Variants in LINGO2 observed in about 807,000 individuals in gnomAD.
LINGO2 encodes the protein leucine-rich repeat and immunoglobulin-like domain-containing nogo receptor-interacting protein 2.
In LINGO2, 14 loss-of-function variants were observed where a neutral mutation model predicts 30.6. That is an observed-to-expected ratio of 0.46 (90% confidence interval 0.30 to 0.72). The LOEUF (loss-of-function observed/expected upper bound fraction) is 0.72. Among genes scored for constraint, LINGO2 ranks in the 30% least tolerant of loss-of-function variants. The probability of loss-of-function intolerance (pLI) is 0.07; values close to 1 mark genes in which losing one functional copy is unlikely to be tolerated. For synonymous variants in LINGO2, 317 were observed against 288.5 expected (o/e 1.10, Z -1.00); for missense variants, 729 against 751.7 (o/e 0.97, Z 0.35).
At chr9:28,784,307 A>G in the LINGO2 span, among the ~76,000 whole-genome samples, 1 of 152,180 alleles carries the variant, frequency 6.6e-6, no homozygotes, top group African/African-American at 2.4e-5. Flanking sequence ...TTAGATGGGC[A>G]TTTTTAATTG....
At chr9:28,954,253 A>C in the LINGO2 span, among the ~76,000 whole-genome samples, 1 of 152,160 alleles carries the variant, frequency 6.6e-6, no homozygotes, top group Non-Finnish European at 1.5e-5. Context: ...TTTATGTTAA[A>C]ATGATGTTAA....
the LINGO2 span, among the ~76,000 whole-genome samples, chr9:29,189,964 A>G: frequency 6.7e-6 from 1 of 148,356 alleles, no homozygotes; most frequent in Admixed American, 6.7e-5. Flanking sequence ...TGGCAGCAGT[A>G]CAGTCCAGCT....
At chr9:27,946,038 C>T (rs1389780494), downstream of LINGO2, among the ~76,000 whole-genome samples, 1 of 152,058 alleles carries the variant, frequency 6.6e-6, no homozygotes, top group African/African-American at 2.4e-5. Context: ...TTTAGGAATA[C>T]GTCACAAGAG....
chr9:28,126,059 G>T (rs942634487), intron 4 of LINGO2, among the ~76,000 whole-genome samples: 4 of 152,126 alleles, frequency 2.6e-5, no homozygotes, highest in Non-Finnish European at 4.4e-5. Flanking sequence ...GCTCTGTCAT[G>T]TTAAAAAGAA....
intron 4 of LINGO2, among the ~76,000 whole-genome samples, chr9:28,061,288 T>A (rs1488104665): frequency 6.6e-6 from 1 of 150,912 alleles, no homozygotes; most frequent in Non-Finnish European, 1.5e-5. Flanking sequence ...CAACGTCTAT[T>A]GGGCACAATG....
At chr9:28,637,474 C>T (rs569696074) in intron 1 of LINGO2, among the ~76,000 whole-genome samples, 1 of 151,966 alleles carries the variant, frequency 6.6e-6, no homozygotes, top group Non-Finnish European at 1.5e-5. Flanking sequence ...TCTTCCATTT[C>T]TTTGTATCCT....
At chr9:28,529,038 T>G (rs1821131243) in intron 1 of LINGO2, among the ~76,000 whole-genome samples, 1 of 152,112 alleles carries the variant, frequency 6.6e-6, no homozygotes, top group Non-Finnish European at 1.5e-5. Flanking sequence ...AGAATAATTC[T>G]AAAGCAGAGG....
intron 4 of LINGO2, among the ~76,000 whole-genome samples, chr9:28,117,928 T>C (rs1162530656): frequency 2.0e-5 from 3 of 152,150 alleles, no homozygotes; most frequent in Non-Finnish European, 4.4e-5. Flanking sequence ...GCAGCAAGAA[T>C]AAAGGCATGA....
chr9:28,469,233 G>T (rs1455000710), intron 2 of LINGO2, among the ~76,000 whole-genome samples: 1 of 150,676 alleles, frequency 6.6e-6, no homozygotes, highest in African/African-American at 2.4e-5. Context: ...GAACCTGAAG[G>T]AAAGTCACCT....
intron 3 of LINGO2, among the ~76,000 whole-genome samples, chr9:28,309,660 G>C (rs1306836100): frequency 6.6e-6 from 1 of 151,574 alleles, no homozygotes; most frequent in East Asian, 1.9e-4. Flanking sequence ...TAAAAAAATT[G>C]ATAAATTTGA....
chr9:29,071,125 A>T, the LINGO2 span, among the ~76,000 whole-genome samples: 60 of 149,968 alleles, frequency 4.0e-4, no homozygotes, highest in African/African-American at 1.3e-3. Context: ...TATGTATGAT[A>T]TGCACATCTA....
At chr9:29,156,274 T>G in the LINGO2 span, among the ~76,000 whole-genome samples, 32 of 152,192 alleles carry the variant, frequency 2.1e-4, 1 homozygote, top group Admixed American at 1.8e-3. Flanking sequence ...AAAGCCCCAT[T>G]AGACTTTTCA....
chr9:29,189,175 C>T, the LINGO2 span, among the ~76,000 whole-genome samples: 2 of 143,778 alleles, frequency 1.4e-5, no homozygotes, highest in South Asian at 2.2e-4. Context: ...CTGGACGGGG[C>T]GGCTGGCCAG....
the LINGO2 span, among the ~76,000 whole-genome samples, chr9:29,029,675 T>C: frequency 1.3e-5 from 2 of 152,052 alleles, no homozygotes; most frequent in Admixed American, 1.3e-4. Flanking sequence ...AGAAAATGCA[T>C]CACTTTGAAG....
At chr9:28,125,818 A>G (rs1827220664) in intron 4 of LINGO2, among the ~76,000 whole-genome samples, 1 of 152,226 alleles carries the variant, frequency 6.6e-6, no homozygotes, top group African/African-American at 2.4e-5. Flanking sequence ...ATCACTAAGA[A>G]CAGAACAGCT....
At chr9:27,991,115 G>A (rs1192663925) in intron 5 of LINGO2, among the ~76,000 whole-genome samples, 1 of 151,922 alleles carries the variant, frequency 6.6e-6, no homozygotes, top group East Asian at 1.9e-4. Context: ...GAAAATCAAG[G>A]AAAAATTACA....
intron 1 of LINGO2, among the ~76,000 whole-genome samples, chr9:28,534,869 G>A (rs895508404): frequency 6.6e-6 from 1 of 151,990 alleles, no homozygotes; most frequent in African/African-American, 2.4e-5. Context: ...CTGGAGTTTT[G>A]TCAAAAATTA....
At chr9:28,937,545 C>A in the LINGO2 span, among the ~76,000 whole-genome samples, 1 of 152,132 alleles carries the variant, frequency 6.6e-6, no homozygotes, top group African/African-American at 2.4e-5. Flanking sequence ...GCTTTCCAGT[C>A]CCAATAGGGT....
At chr9:28,313,676 G>T (rs1824718710) in intron 3 of LINGO2, among the ~76,000 whole-genome samples, 1 of 152,132 alleles carries the variant, frequency 6.6e-6, no homozygotes, top group African/African-American at 2.4e-5. Context: ...CTATTTTGAA[G>T]AAAGTTGCTT....
Sources: gnomAD v4.1 joint callset for allele counts (sites outside exome capture counted in the v4.1 genomes callset) on GRCh38, gnomAD v4.1.1 for gene constraint, MANE v1.5 for transcripts, NCBI Gene and HGNC (gene_info 2026-07-23, HGNC 2026-07-21) for gene names.